FAM3D: variants seen among roughly 807,000 people sequenced by gnomAD.
FAM3D encodes the protein protein FAM3D.
Under a neutral mutation model 29.8 loss-of-function variants are expected in FAM3D, and 26 were observed. The ratio of observed to expected loss-of-function variants is 0.87; its 90% CI spans 0.64 to 1.21. The LOEUF is 1.21. Ranked by LOEUF, FAM3D falls within the 50% of genes most tolerant of loss-of-function variation. FAM3D has a pLI of 0.00. For missense variants in FAM3D, 253 were observed against 290.9 expected, an observed-to-expected ratio of 0.87 and a Z score of 0.95; for synonymous variants, 115 against 102.3, an observed-to-expected ratio of 1.12 and a Z score of -0.75.
Position 58,664,303 on chromosome 3 carries a change from C to T in FAM3D, c.-39+2273G>A, listed in dbSNP as rs192602360. 5.9e-4 allele frequency among the ~76,000 whole-genome samples: 90 copies of T among 152,322 alleles called. No individual in the cohort carries two copies. The Middle Eastern group carries it at 0.014, about 23-fold the overall frequency. ...TTGGGACTGCTGTTTGTACTGATTA[C>T]GTAGAACTTGTTCACATCTCTTGTA... is the stretch of plus-strand genomic sequence containing the variant. On this transcript the variant is annotated intron_variant, in intron 1 of 9. Coordinates refer to ENST00000358781, the MANE Select transcript of FAM3D (RefSeq NM_138805.3).
intron 4 of FAM3D, among the ~76,000 whole-genome samples, 198 bp from the exon 5 acceptor site, chr3:58,645,824 A>G (rs2066462797): frequency 6.6e-6 from 1 of 152,236 alleles, no homozygotes; most frequent in Non-Finnish European, 1.5e-5. Context: ...AGCCCCCACC[A>G]GAGCACACAG....
At chr3:58,658,993 C>A (rs2066880009) in intron 1 of FAM3D, among the ~76,000 whole-genome samples, 1 of 152,206 alleles carries the variant, frequency 6.6e-6, no homozygotes, top group Non-Finnish European at 1.5e-5. Flanking sequence ...ACCTGTGATA[C>A]TGGGAGAAGA....
intron 5 of FAM3D, among the ~76,000 whole-genome samples, chr3:58,644,802 G>T (rs2066430226): frequency 6.6e-6 from 1 of 152,226 alleles, no homozygotes. Flanking sequence ...TTAGACAGAG[G>T]AGGGTAGAGC....
At chr3:58,646,259 A>G (rs779303887) in intron 4 of FAM3D, among the ~76,000 whole-genome samples, 3 of 152,230 alleles carry the variant, frequency 2.0e-5, no homozygotes, top group Non-Finnish European at 4.4e-5. Flanking sequence ...GGAATACAAC[A>G]GAGAACAGGC....
chr3:58,660,481 C>T (rs1022583805), intron 1 of FAM3D, among the ~76,000 whole-genome samples: 22 of 152,162 alleles, frequency 1.4e-4, no homozygotes, highest in African/African-American at 5.3e-4. Context: ...TTGATCATGT[C>T]GCCAATACAG....
At chr3:58,641,869 T>C (rs936518605) in intron 6 of FAM3D, among the ~76,000 whole-genome samples, 3 of 152,100 alleles carry the variant, frequency 2.0e-5, no homozygotes, top group Non-Finnish European at 4.4e-5. Context: ...GGCCATCTCA[T>C]TGGAGAATAT....
intron 2 of FAM3D, among the ~76,000 whole-genome samples, chr3:58,655,270 G>C (rs563453140): frequency 2.6e-4 from 40 of 152,238 alleles, no homozygotes; most frequent in Non-Finnish European, 4.6e-4. Context: ...CCTCCTCGAG[G>C]TAAATATTTT....
chr3:58,639,393 G>C (rs2066264766), intron 7 of FAM3D, among the ~76,000 whole-genome samples: 1 of 152,198 alleles, frequency 6.6e-6, no homozygotes. Context: ...ACTTGCTTCA[G>C]GTCATGCCGC....
intron 1 of FAM3D, among the ~76,000 whole-genome samples, chr3:58,663,382 G>A (rs1373000225): frequency 5.3e-5 from 8 of 152,074 alleles, no homozygotes; most frequent in Admixed American, 5.2e-4. Context: ...GAGTGCCGGG[G>A]GTGTCATGTG....
rs765808728 is a variant in FAM3D, at chr3:58,634,370, T to C, written c.586-2A>G. The C allele has an allele frequency of 1.2e-5, 19 of 1,613,302 alleles. 1 individual carries two copies. In the South Asian group the frequency reaches 2.1e-4, roughly 18 times the overall value. On this transcript the variant is annotated splice_acceptor_variant, in intron 9 of 9. Coordinates refer to ENST00000358781, the MANE Select transcript of FAM3D (RefSeq NM_138805.3). LOFTEE classifies it high-confidence loss of function. The surrounding 1 kb of genome is among the most constrained non-coding windows in gnomAD (Gnocchi z 4.6). The stretch of plus-strand genomic sequence containing the variant: ...TGTGTCTGGGCTGTTCTTTAAGAAC[T>C]AGAGAGAGAGAAGACAGAGAAATAT...
chr3:58,644,191 T>C (rs2066415199), intron 5 of FAM3D, among the ~76,000 whole-genome samples: 1 of 152,074 alleles, frequency 6.6e-6, no homozygotes, highest in Admixed American at 6.5e-5. Flanking sequence ...GATTGACCTC[T>C]CTCTCCCAGG....
intron 7 of FAM3D, among the ~76,000 whole-genome samples, chr3:58,637,507 G>C (rs2066208720): frequency 6.6e-6 from 1 of 152,178 alleles, no homozygotes; most frequent in Non-Finnish European, 1.5e-5. Context: ...TTGCAGCTGA[G>C]GGTGACCACC....
chr3:58,657,285 C>G (rs976474046), intron 1 of FAM3D, among the ~76,000 whole-genome samples: 1 of 149,242 alleles, frequency 6.7e-6, no homozygotes, highest in African/African-American at 2.5e-5. Flanking sequence ...GTTGGATGGA[C>G]AGACAGACAT....
intron 3 of FAM3D, among the ~76,000 whole-genome samples, chr3:58,652,862 GTCCA>G (rs745543889): frequency 0.044 from 6,488 of 145,868 alleles, 256 homozygotes; most frequent in East Asian, 0.11. Context: ...CCATCCATCT[GTCCA>G]TCCATCCATC....
chr3:58,637,702 G>A (rs773028286), intron 7 of FAM3D, among the ~76,000 whole-genome samples: 1 of 152,060 alleles, frequency 6.6e-6, no homozygotes, highest in Non-Finnish European at 1.5e-5. Flanking sequence ...GAGAGAATTC[G>A]AGTAGACTAT....
chr3:58,652,558 C>T (rs1201234177), intron 3 of FAM3D, among the ~76,000 whole-genome samples: 1 of 151,016 alleles, frequency 6.6e-6, no homozygotes, highest in African/African-American at 2.4e-5. Flanking sequence ...TCTCCACCCA[C>T]TCATCCATCC....
At chr3:58,652,291 A>T (rs1410548500) in intron 3 of FAM3D, among the ~76,000 whole-genome samples, 1 of 152,184 alleles carries the variant, frequency 6.6e-6, no homozygotes, top group Non-Finnish European at 1.5e-5. Context: ...CACACCATAG[A>T]TCACTCTGTG....
intron 3 of FAM3D, among the ~76,000 whole-genome samples, chr3:58,652,977 C>CATCT (rs57991098): frequency 0.59 from 86,366 of 146,748 alleles, 26,852 homozygotes; most frequent in Admixed American, 0.69. Flanking sequence ...TCCATCCATC[C>CATCT]GTTTTTTTTT....
At chr3:58,649,444 T>G (rs766936392) in intron 3 of FAM3D, 106 bp from the exon 4 acceptor site, 1 of 1,364,628 alleles carries the variant, frequency 7.3e-7, no homozygotes, top group Non-Finnish European at 1.0e-6. Context: ...GGATTTAAAT[T>G]GGCGCCATTG....
Sources: allele counts gnomAD v4.1 joint callset (sites outside exome capture counted in the v4.1 genomes callset), GRCh38; gene constraint gnomAD v4.1.1; non-coding constraint Gnocchi (gnomAD v3.1); transcripts MANE v1.5; gene names NCBI Gene and HGNC (gene_info 2026-07-23, HGNC 2026-07-21).